ACOT1: variants seen among roughly 807,000 people sequenced by gnomAD.
ACOT1 encodes the protein acyl-coenzyme A thioesterase 1.
ACOT1 carries 8 observed loss-of-function variants against 15.7 expected under a neutral mutation model. That is an observed-to-expected ratio of 0.51 (90% confidence interval 0.30 to 0.92). ACOT1 has a LOEUF of 0.92. Ranked by LOEUF, ACOT1 falls within the 40% of genes least tolerant of loss-of-function variation. The probability of loss-of-function intolerance (pLI) is 0.06; values close to 1 mark genes in which losing one functional copy is unlikely to be tolerated. For missense variants in ACOT1, 151 were observed against 539.4 expected (o/e 0.28, Z 7.13); for synonymous variants, 67 against 241.2 (o/e 0.28, Z 6.69).
chr14:73,493,110 G>A, the ACOT1 span: 1 of 1,612,418 alleles, frequency 6.2e-7, no homozygotes, highest in Non-Finnish European at 8.5e-7. Context: ...GGTCTTCTAG[G>A]AAGAACCATC....
At chr14:73,497,150 C>A in the ACOT1 span, among the ~76,000 whole-genome samples, 1 of 152,078 alleles carries the variant, frequency 6.6e-6, no homozygotes, top group Non-Finnish European at 1.5e-5. Context: ...CCCGCCTTGG[C>A]CTCCCAAAGT....
At chr14:73,508,009 G>C in the ACOT1 span, 1 of 872,408 alleles carries the variant, frequency 1.1e-6, no homozygotes, top group Non-Finnish European at 1.8e-6. Flanking sequence ...GCCTCCCGAA[G>C]TGTTGGGATT....
the ACOT1 span, chr14:73,491,313 AC>A: frequency 6.6e-7 from 1 of 1,516,780 alleles, no homozygotes; most frequent in Non-Finnish European, 8.8e-7. Context: ...CCATACGGCC[AC>A]CTGGGGCCCG....
the ACOT1 span, among the ~76,000 whole-genome samples, chr14:73,504,877 G>A: frequency 1.3e-5 from 2 of 152,200 alleles, no homozygotes; most frequent in East Asian, 3.9e-4. Context: ...AAAACGAAGT[G>A]TTGCCTGGAA....
At chr14:73,492,448 C>T in the ACOT1 span, 1 of 1,613,782 alleles carries the variant, frequency 6.2e-7, no homozygotes, top group Non-Finnish European at 8.5e-7. This position sits in a 1 kb window ranked among gnomAD's most constrained non-coding sequence, Gnocchi z 4.9. Context: ...GAACCGCTTT[C>T]ATGGAGAAGG....
At chr14:73,534,767 G>A (rs149999443), upstream of ACOT1, among the ~76,000 whole-genome samples, 210 of 111,180 alleles carry the variant, frequency 1.9e-3, 1 homozygote, top group African/African-American at 6.0e-3. Flanking sequence ...GAAATAGTTA[G>A]ATGTGTGTTT....
chr14:73,523,053 A>G, the ACOT1 span: 33 of 1,614,054 alleles, frequency 2.0e-5, no homozygotes, highest in South Asian at 2.2e-4. Context: ...TTGCCTTTCA[A>G]TTTTGAGTAG....
the ACOT1 span, among the ~76,000 whole-genome samples, chr14:73,497,649 G>A: frequency 6.6e-6 from 1 of 150,402 alleles, no homozygotes; most frequent in African/African-American, 2.4e-5. Flanking sequence ...TTTTTGAGAC[G>A]GAGTTTTGCT....
chr14:73,509,213 C>A, the ACOT1 span: 1 of 1,157,092 alleles, frequency 8.6e-7, no homozygotes, highest in Non-Finnish European at 1.3e-6. Context: ...ATACAGCAGA[C>A]ATTGCAGAGC....
At chr14:73,509,261 T>C in the ACOT1 span, 2 of 1,541,396 alleles carry the variant, frequency 1.3e-6, no homozygotes, top group East Asian at 4.5e-5. Flanking sequence ...AAGCTGATAG[T>C]GAGATGTCTA....
At chr14:73,514,120 T>C in the ACOT1 span, 1 of 1,613,792 alleles carries the variant, frequency 6.2e-7, no homozygotes, top group Non-Finnish European at 8.5e-7. Flanking sequence ...TTTTGCCTGC[T>C]TCTTCAATCT....
At chr14:73,524,293 C>CAAAA in the ACOT1 span, among the ~76,000 whole-genome samples, 26 of 56,652 alleles carry the variant, frequency 4.6e-4, no homozygotes, top group East Asian at 2.3e-3. Flanking sequence ...AACTCCGTCT[C>CAAAA]AAAAAAAAAA....
the ACOT1 span, among the ~76,000 whole-genome samples, chr14:73,505,890 CTTT>C: frequency 2.6e-5 from 3 of 113,312 alleles, no homozygotes; most frequent in Non-Finnish European, 3.5e-5. Context: ...ATAAACGTTT[CTTT>C]TTTTTTTTTT....
chr14:73,506,550 C>T, the ACOT1 span: 2,687 of 1,613,502 alleles, frequency 1.7e-3, 4 homozygotes, highest in Non-Finnish European at 2.0e-3. Flanking sequence ...AGCTCCACAG[C>T]AAGCATGGTG....
upstream of ACOT1, among the ~76,000 whole-genome samples, chr14:73,536,716 G>C (rs1173691218): frequency 1.8e-5 from 2 of 113,114 alleles, 1 homozygote; most frequent in East Asian, 1.4e-3. Context: ...TACCTCATTT[G>C]GCTATTTTTA....
the ACOT1 span, chr14:73,523,086 G>T: frequency 6.2e-7 from 1 of 1,612,382 alleles, no homozygotes; most frequent in Non-Finnish European, 8.5e-7. Context: ...CCCCATCCCA[G>T]TCGTGGGGGC....
chr14:73,520,807 C>T, the ACOT1 span: 3 of 1,549,606 alleles, frequency 1.9e-6, no homozygotes, highest in Non-Finnish European at 2.7e-6. Flanking sequence ...ACCTTCCTGG[C>T]CCATGTCCCC....
the ACOT1 span, among the ~76,000 whole-genome samples, chr14:73,493,944 AATT>A: frequency 6.6e-6 from 1 of 152,194 alleles, no homozygotes; most frequent in Non-Finnish European, 1.5e-5. Context: ...CTAGTAGAAA[AATT>A]ATTTTCTACC....
chr14:73,525,701 C>T, the ACOT1 span, among the ~76,000 whole-genome samples: 1 of 152,100 alleles, frequency 6.6e-6, no homozygotes, highest in South Asian at 2.1e-4. Flanking sequence ...GTCAGTAATC[C>T]CAGAACTTTG....
Sources: gnomAD v4.1 joint callset for allele counts (sites outside exome capture counted in the v4.1 genomes callset) on GRCh38, gnomAD v4.1.1 for gene constraint, Gnocchi (gnomAD v3.1) non-coding constraint, MANE v1.5 for transcripts, NCBI Gene and HGNC (gene_info 2026-07-23, HGNC 2026-07-21) for gene names.